Variants in PMS1 observed in about 807,000 individuals in gnomAD.
The protein encoded by PMS1 is PMS1 homolog 1, mismatch repair system component.
A neutral mutation model predicts 93.1 loss-of-function variants in PMS1; 79 were observed. That is an observed-to-expected ratio of 0.85 (90% CI 0.71 to 1.02). PMS1 has a LOEUF of 1.02. PMS1 is among the 50% of genes least tolerant of loss of function. PMS1 has a pLI of 0.00. For missense variants in PMS1, 1,064 were observed against 1,085.3 expected (o/e 0.98, Z 0.28); for synonymous variants, 335 against 363.4 (o/e 0.92, Z 0.89).
At chr2:189,873,725 A>G (rs1448807768) in intron 12 of PMS1, 69 bp downstream of exon 12, 2 of 1,123,530 alleles carry the variant, frequency 1.8e-6, no homozygotes, top group Non-Finnish European at 2.7e-6. Context: ...CCGGTTAGGA[A>G]CCAGGCCACA....
At chr2:189,870,667 T>C (rs1312948054) in intron 11 of PMS1, among the ~76,000 whole-genome samples, 2 of 152,242 alleles carry the variant, frequency 1.3e-5, no homozygotes, top group African/African-American at 4.8e-5. Context: ...CAAATGTAGT[T>C]AGTATTAGAC....
intron 4 of PMS1, among the ~76,000 whole-genome samples, chr2:189,807,326 A>G (rs2050430160): frequency 6.6e-6 from 1 of 152,146 alleles, no homozygotes; most frequent in Non-Finnish European, 1.5e-5. Flanking sequence ...TACAAATATT[A>G]TATATGTTTT....
chr2:189,819,724 ATTTGTT>A (rs2051659826), intron 5 of PMS1, among the ~76,000 whole-genome samples: 1 of 151,822 alleles, frequency 6.6e-6, no homozygotes, highest in Non-Finnish European at 1.5e-5. Context: ...TAATGGGATT[ATTTGTT>A]TTTGTTTTTT....
rs115215162 is a variant in PMS1 at position 189,833,214 on chromosome 2, A to G, written c.583-10750A>G. On this transcript the variant is annotated intron_variant, in intron 5 of 12. Coordinates refer to ENST00000441310, the MANE Select transcript of PMS1 (RefSeq NM_000534.5). ...CCTTTTCTCGTAGTTGCAGTGACCT[A>G]TATTTAAGTTAAAGCTTGAGCTGGC... Among the ~76,000 whole-genome samples, 868 of 152,332 alleles carry G rather than the reference A, an allele frequency of 5.7e-3. 7 individuals carry two copies. Among genetic ancestry groups the G allele is most frequent in the Admixed American group, 7.6e-3 (116 of 15,296 alleles).
rs2054651013 is a variant in PMS1 at position 189,850,999 on chromosome 2, A to C, written c.700-1656A>C. On this transcript the variant is annotated intron_variant, in intron 6 of 12. Transcript: ENST00000441310. The stretch of plus-strand genomic sequence containing the variant: ...TATGCTTTTTAGGAAATTGAGGAAT[A>C]CATTTGGGTACAGAATTTTGTAAAG... Among the ~76,000 whole-genome samples, 3 of 152,302 alleles carry C rather than the reference A, an allele frequency of 2.0e-5. 1 individual carries two copies. Among genetic ancestry groups the C allele is most frequent in the South Asian group, 4.1e-4 (2 of 4,824 alleles).
Position 189,852,874 on chromosome 2 carries a change from G to GAAATATA in PMS1, c.822+102_822+103insTAAAATA. ...GAATTTGCTCTAAAATAAAAAAAAA[G>GAAATATA]AAATACAATGTCATTTATTAAACAT... On this transcript the variant is annotated intron_variant, in intron 7 of 12. Coordinates refer to ENST00000441310, the MANE Select transcript of PMS1 (RefSeq NM_000534.5). 5.2e-6 allele frequency: 4 copies of GAAATATA among 769,242 alleles called. No individual in the cohort carries two copies. The South Asian group carries it at 6.1e-5, about 12-fold the overall frequency. 47.7% of individuals were successfully genotyped at this position (769,242 alleles called of 1,614,324 possible).
Position 189,862,521 on chromosome 2 carries a change from T to C in PMS1, c.1857-1222T>C, listed in dbSNP as rs192211318. On this transcript the variant is annotated intron_variant, in intron 9 of 12. Transcript: ENST00000441310. ...GACCATGACTCTCATTTTCCTGTTT[T>C]GTTAGAGTGATAACTTTTGATTGTA... Among the ~76,000 whole-genome samples the C allele has an allele frequency of 4.6e-5, 7 of 152,362 alleles. No homozygotes were observed. In the East Asian group the frequency reaches 1.2e-3, roughly 25 times the overall value.
intron 5 of PMS1, among the ~76,000 whole-genome samples, chr2:189,841,112 A>T (rs1382628583): frequency 1.3e-5 from 2 of 152,194 alleles, no homozygotes; most frequent in African/African-American, 4.8e-5. Flanking sequence ...GAATGTTTAG[A>T]GCCAAAAAGA....
At chr2:189,810,360 A>G (rs1161742357) in intron 4 of PMS1, among the ~76,000 whole-genome samples, 2 of 152,234 alleles carry the variant, frequency 1.3e-5, no homozygotes, top group African/African-American at 4.8e-5. Context: ...TTAAATGAAC[A>G]AAGCTCAAGA....
intron 5 of PMS1, among the ~76,000 whole-genome samples, chr2:189,835,906 CA>C (rs3067429): frequency 0.14 from 12,572 of 86,836 alleles, 672 homozygotes; most frequent in African/African-American, 0.26. Flanking sequence ...TAGCCTGTCT[CA>C]AAAAAAAAAA....
intron 3 of PMS1, among the ~76,000 whole-genome samples, chr2:189,799,831 AGGTG>A (rs2049721574): frequency 7.1e-6 from 1 of 141,000 alleles, no homozygotes; most frequent in African/African-American, 2.8e-5. Context: ...TGACTGGTTG[AGGTG>A]TTATAAACGT....
intron 5 of PMS1, among the ~76,000 whole-genome samples, chr2:189,822,872 A>T (rs1409920646): frequency 6.6e-6 from 1 of 152,228 alleles, no homozygotes; most frequent in Non-Finnish European, 1.5e-5. Context: ...TTGTCAAAGG[A>T]GCTAATGCTA....
chr2:189,810,987 A>G (rs2050792984), intron 4 of PMS1, among the ~76,000 whole-genome samples: 1 of 151,906 alleles, frequency 6.6e-6, no homozygotes, highest in South Asian at 2.1e-4. Flanking sequence ...AGACAAAAAA[A>G]AAAAAACTTA....
At chr2:189,836,591 T>C (rs1245922596) in intron 5 of PMS1, among the ~76,000 whole-genome samples, 1 of 152,210 alleles carries the variant, frequency 6.6e-6, no homozygotes, top group African/African-American at 2.4e-5. Flanking sequence ...ATTCATCACA[T>C]TTTATAGTTT....
intron 3 of PMS1, among the ~76,000 whole-genome samples, chr2:189,800,374 G>A (rs115396123): frequency 0.018 from 2,669 of 152,268 alleles, 79 homozygotes; most frequent in African/African-American, 0.061. Flanking sequence ...AAGTTCAATA[G>A]ATAAGTTGTT....
intron 1 of PMS1, among the ~76,000 whole-genome samples, chr2:189,785,664 A>T (rs968929546): frequency 6.6e-6 from 1 of 152,182 alleles, no homozygotes; most frequent in African/African-American, 2.4e-5. Flanking sequence ...GTAAAGGGGG[A>T]CTGCAGGGGA....
chr2:189,847,119 C>T (rs929214464), intron 6 of PMS1, among the ~76,000 whole-genome samples: 3 of 152,052 alleles, frequency 2.0e-5, no homozygotes, highest in African/African-American at 7.2e-5. Flanking sequence ...CTCGGCCCCC[C>T]AAAGCGCCCA....
intron 5 of PMS1, among the ~76,000 whole-genome samples, chr2:189,830,165 T>C (rs979967186): frequency 6.6e-6 from 1 of 152,236 alleles, no homozygotes; most frequent in African/African-American, 2.4e-5. Flanking sequence ...AGCCCTGTTG[T>C]TGTAGTGTGA....
chr2:189,837,108 A>G lies in PMS1; in HGVS notation c.583-6856A>G, dbSNP rs564027499. 1.1e-4 allele frequency among the ~76,000 whole-genome samples: 17 copies of G among 152,070 alleles called. No homozygotes were observed. In the South Asian group the frequency reaches 2.9e-3, roughly 26 times the overall value. ...TGAATGCTTTATTTTAAAAATGTCAATATCAGAGAGTTAGCATTCCTTTAA... is the reference window on the plus strand; with the variant it reads ...TGAATGCTTTATTTTAAAAATGTCAGTATCAGAGAGTTAGCATTCCTTTAA... On this transcript the variant is annotated intron_variant, in intron 5 of 12. Transcript: ENST00000441310.
Sources: gnomAD v4.1 joint callset for allele counts (sites outside exome capture counted in the v4.1 genomes callset) on GRCh38, gnomAD v4.1.1 for gene constraint, MANE v1.5 for transcripts, NCBI Gene and HGNC (gene_info 2026-07-23, HGNC 2026-07-21) for gene names.